The following CDH13 variants were observed in gnomAD, a reference collection of about 807,000 sequenced individuals.
CDH13 encodes cadherin-13.
A neutral mutation model predicts 63.8 loss-of-function variants in CDH13; 24 were observed. That is an observed-to-expected ratio of 0.38 (90% CI 0.27 to 0.53). The LOEUF (loss-of-function observed/expected upper bound fraction) is 0.53, where lower values mean the gene tolerates loss of function less well. Ranked by LOEUF, CDH13 falls within the 20% of genes least tolerant of loss-of-function variation. The probability of loss-of-function intolerance (pLI) is 0.85; values close to 1 mark genes in which losing one functional copy is unlikely to be tolerated. For synonymous variants in CDH13, 503 were observed against 355.3 expected (o/e 1.42, Z -4.67); for missense variants, 1,049 against 903.1 (o/e 1.16, Z -2.07).
At chr16:83,148,429 G>C (rs146358906) in intron 4 of CDH13, among the ~76,000 whole-genome samples, 1 of 152,348 alleles carries the variant, frequency 6.6e-6, no homozygotes, top group East Asian at 1.9e-4. Context: ...AGTAGGAGAA[G>C]TGGATAAAAT....
intron 7 of CDH13, among the ~76,000 whole-genome samples, chr16:83,555,458 C>A (rs191649996): frequency 4.3e-4 from 66 of 152,288 alleles, no homozygotes; most frequent in East Asian, 9.7e-4. Context: ...TAAAAGACAT[C>A]TTTTTATATG....
chr16:82,800,588 C>G (rs1192645762), intron 1 of CDH13, among the ~76,000 whole-genome samples: 6 of 152,166 alleles, frequency 3.9e-5, no homozygotes, highest in Non-Finnish European at 8.8e-5. Context: ...AAGTTAAGAA[C>G]CATTAATTTT....
At chr16:83,447,829 A>G (rs2072757488) in intron 6 of CDH13, among the ~76,000 whole-genome samples, 1 of 151,516 alleles carries the variant, frequency 6.6e-6, no homozygotes, top group African/African-American at 2.4e-5. Flanking sequence ...GCCAGGCACC[A>G]TAGTTAAAAT....
At chr16:83,631,306 A>G (rs1012120811) in intron 8 of CDH13, among the ~76,000 whole-genome samples, 1 of 152,156 alleles carries the variant, frequency 6.6e-6, no homozygotes, top group South Asian at 2.1e-4. Flanking sequence ...CCCTGTGTCC[A>G]TAAATGCTTC....
At chr16:83,554,575 G>A (rs974905432) in intron 7 of CDH13, among the ~76,000 whole-genome samples, 9 of 151,926 alleles carry the variant, frequency 5.9e-5, no homozygotes, top group African/African-American at 1.2e-4. Flanking sequence ...AGCTGAGGAG[G>A]GTTATGAAGA....
chr16:83,455,407 T>C (rs2072995214), intron 6 of CDH13, among the ~76,000 whole-genome samples: 1 of 152,016 alleles, frequency 6.6e-6, no homozygotes, highest in Admixed American at 6.6e-5. Flanking sequence ...GGGGGATGAG[T>C]CGCAGGTTCC....
intron 2 of CDH13, among the ~76,000 whole-genome samples, chr16:82,948,472 T>C (rs1372631131): frequency 6.6e-6 from 1 of 152,212 alleles, no homozygotes; most frequent in Admixed American, 6.5e-5. Context: ...AAAAATACAT[T>C]TGTGTTTCTT....
chr16:83,525,289 C>A (rs971306612), intron 7 of CDH13, among the ~76,000 whole-genome samples: 1 of 152,204 alleles, frequency 6.6e-6, no homozygotes, highest in Non-Finnish European at 1.5e-5. Context: ...ACTTTGTCTG[C>A]ACTAGATCCT....
Position 83,797,015 on chromosome 16 carries a change from G to A in CDH13, c.*1985G>A, listed in dbSNP as rs1429324193. 1 of 152,200 alleles carries A rather than the reference G, an allele frequency of 6.6e-6. No homozygotes were observed. The highest frequency in any genetic ancestry group is 2.4e-5 in the African/African-American group (1 of 41,436). 9.4% of individuals were successfully genotyped at this position (152,200 alleles called of 1,614,324 possible). ...TCCACGAGCACATGCCCCCGACTCA[G>A]GGACAGGGGAATCTAAGCCTGTGCA... On this transcript the variant is annotated 3_prime_UTR_variant, in exon 14 of 14. Transcript: ENST00000567109.
intron 4 of CDH13, among the ~76,000 whole-genome samples, chr16:83,157,080 C>A (rs7193700): frequency 6.6e-6 from 1 of 152,090 alleles, no homozygotes; most frequent in Non-Finnish European, 1.5e-5. Context: ...ACTGTACTTT[C>A]AAAATGCTGT....
At chr16:82,873,978 A>G (rs995705367) in intron 2 of CDH13, among the ~76,000 whole-genome samples, 1 of 152,156 alleles carries the variant, frequency 6.6e-6, no homozygotes, top group Non-Finnish European at 1.5e-5. Flanking sequence ...AACATACTCT[A>G]TGAAAAATAT....
intron 10 of CDH13, among the ~76,000 whole-genome samples, chr16:83,717,341 C>T (rs1458688038): frequency 2.0e-5 from 3 of 152,164 alleles, no homozygotes; most frequent in Non-Finnish European, 4.4e-5. Context: ...CCCCTGACTT[C>T]TTCCCCACTT....
intron 7 of CDH13, among the ~76,000 whole-genome samples, chr16:83,488,007 T>G (rs991462566): frequency 6.6e-6 from 1 of 152,214 alleles, no homozygotes; most frequent in Non-Finnish European, 1.5e-5. Flanking sequence ...CTAATTAGGT[T>G]GTCATTTGTC....
chr16:83,677,775 C>A (rs925601720), intron 9 of CDH13, among the ~76,000 whole-genome samples: 2 of 152,044 alleles, frequency 1.3e-5, no homozygotes, highest in African/African-American at 2.4e-5. Context: ...TTTACCAGAG[C>A]CCCCGTGGGT....
chr16:83,246,297 T>C (rs1439928830), intron 5 of CDH13, among the ~76,000 whole-genome samples: 1 of 152,204 alleles, frequency 6.6e-6, no homozygotes, highest in African/African-American at 2.4e-5. Flanking sequence ...ATAGTATTTT[T>C]CTGTTAGCAA....
chr16:82,632,836 G>A (rs1370080888), intron 1 of CDH13, among the ~76,000 whole-genome samples: 2 of 152,022 alleles, frequency 1.3e-5, no homozygotes, highest in Admixed American at 1.3e-4. Flanking sequence ...TGGGAGCCCT[G>A]AGCTTGTTTT....
intron 1 of CDH13, among the ~76,000 whole-genome samples, chr16:82,652,483 C>G (rs1910833280): frequency 1.3e-5 from 2 of 152,176 alleles, no homozygotes; most frequent in Admixed American, 1.3e-4. Flanking sequence ...TGTCACTGCA[C>G]CAGCAGCTTT....
intron 6 of CDH13, among the ~76,000 whole-genome samples, chr16:83,346,619 G>T (rs1015965014): frequency 2.6e-5 from 4 of 152,162 alleles, no homozygotes; most frequent in African/African-American, 9.7e-5. Context: ...TATATGATTA[G>T]ACGGTGTCCA....
chr16:83,506,635 C>T (rs796284573), intron 7 of CDH13, among the ~76,000 whole-genome samples: 94 of 152,292 alleles, frequency 6.2e-4, no homozygotes, highest in African/African-American at 2.1e-3. Context: ...CTGCGTGGTC[C>T]CCTCCCACAT....
Sources: gnomAD v4.1 joint callset for allele counts (sites outside exome capture counted in the v4.1 genomes callset) on GRCh38, gnomAD v4.1.1 for gene constraint, MANE v1.5 for transcripts, NCBI Gene and HGNC (gene_info 2026-07-23, HGNC 2026-07-21) for gene names.